The following ERC2 variants were observed in gnomAD, a reference collection of about 807,000 sequenced individuals.
ERC2 encodes the protein ERC protein 2.
In ERC2, 42 loss-of-function variants were observed where a neutral mutation model predicts 114.8. That is an observed-to-expected ratio of 0.37 (90% CI 0.29 to 0.47). ERC2 has a LOEUF of 0.47. Ranked by LOEUF, ERC2 falls within the 20% of genes least tolerant of loss-of-function variation. The probability of loss-of-function intolerance (pLI) is 0.99; values close to 1 mark genes in which losing one functional copy is unlikely to be tolerated. For missense variants in ERC2, 939 were observed against 1,150.7 expected (o/e 0.82, Z 2.66); for synonymous variants, 454 against 425.5 (o/e 1.07, Z -0.82).
At chr3:56,259,557 G>A (rs966647671) in intron 3 of ERC2, among the ~76,000 whole-genome samples, 4 of 152,078 alleles carry the variant, frequency 2.6e-5, no homozygotes, top group African/African-American at 4.8e-5. Flanking sequence ...GGGAGGAAAC[G>A]TGGGTTTTAG....
At chr3:56,148,932 T>C in intron 5 of ERC2, 45 bp downstream of exon 5, 1 of 1,570,142 alleles carries the variant, frequency 6.4e-7, no homozygotes, top group Non-Finnish European at 8.7e-7. Flanking sequence ...ACTGTAACTT[T>C]CTAGTCACAT....
At chr3:56,175,692 C>A (rs1405185351) in intron 3 of ERC2, among the ~76,000 whole-genome samples, 1 of 152,084 alleles carries the variant, frequency 6.6e-6, no homozygotes, top group Non-Finnish European at 1.5e-5. Context: ...CAAGTGGCAT[C>A]CCTGAATGCA....
At chr3:56,034,410 A>G (rs538032367) in intron 7 of ERC2, among the ~76,000 whole-genome samples, 1 of 152,300 alleles carries the variant, frequency 6.6e-6, no homozygotes, top group East Asian at 1.9e-4. Context: ...ACTCATTTTA[A>G]ATAATGACTA....
At chr3:55,835,789 A>G (rs570373533) in intron 14 of ERC2, among the ~76,000 whole-genome samples, 1 of 152,092 alleles carries the variant, frequency 6.6e-6, no homozygotes, top group African/African-American at 2.4e-5. Flanking sequence ...AGGGTATTCA[A>G]TTAGGAAAAG....
chr3:56,064,762 T>C (rs746449440), intron 7 of ERC2, among the ~76,000 whole-genome samples: 41 of 134,674 alleles, frequency 3.0e-4, no homozygotes, highest in Non-Finnish European at 5.1e-4. Flanking sequence ...GCCTAGAGGC[T>C]GTAAGAACTT....
intron 17 of ERC2, among the ~76,000 whole-genome samples, chr3:55,640,232 G>C (rs2060121632): frequency 6.6e-6 from 1 of 152,308 alleles, no homozygotes; most frequent in Admixed American, 6.5e-5. Context: ...TGGTCCATCT[G>C]TCTTTGTCAA....
intron 14 of ERC2, among the ~76,000 whole-genome samples, chr3:55,884,576 G>A (rs956620926): frequency 6.6e-6 from 1 of 151,986 alleles, no homozygotes; most frequent in African/African-American, 2.4e-5. Context: ...CAAATGGAAA[G>A]ACATTTCAGT....
chr3:56,203,993 A>G (rs1021638071), intron 3 of ERC2, among the ~76,000 whole-genome samples: 9 of 151,954 alleles, frequency 5.9e-5, no homozygotes, highest in Non-Finnish European at 1.2e-4. Flanking sequence ...CAGCCTGGCC[A>G]AGATGGTGAA....
rs1288522495 is a variant in ERC2 at position 55,743,621 on chromosome 3, GA to G, written c.2565-8704del. Among the ~76,000 whole-genome samples the G allele has an allele frequency of 5.6e-5, 7 of 124,740 alleles. No individual in the cohort carries two copies. In the South Asian group the frequency reaches 1.6e-3, roughly 28 times the overall value. The allele number at this position is 124,740 out of a possible 152,430, so 81.8% of individuals were successfully genotyped here. A position where few individuals can be genotyped will look rare whatever the true frequency, so the allele number is the denominator to read the frequency against. On this transcript the variant is annotated intron_variant, in intron 14 of 17. Coordinates refer to ENST00000288221, the MANE Select transcript of ERC2 (RefSeq NM_015576.3). ...AAAAAAAAAAAAAAAAAAGAAACAA[GA>G]AAAAAAGAAAATACTTCTTTTGAGC...
chr3:55,722,167 C>T (rs906093498), intron 15 of ERC2, among the ~76,000 whole-genome samples: 2 of 151,926 alleles, frequency 1.3e-5, no homozygotes, highest in Non-Finnish European at 2.9e-5. Context: ...TTGTGCCCAA[C>T]GGGGTCATGT....
At chr3:56,210,909 C>G (rs1394618199) in intron 3 of ERC2, among the ~76,000 whole-genome samples, 3 of 152,012 alleles carry the variant, frequency 2.0e-5, no homozygotes, top group Non-Finnish European at 4.4e-5. Flanking sequence ...GAAGTTGAAA[C>G]AAGAAACTAA....
intron 17 of ERC2, among the ~76,000 whole-genome samples, chr3:55,639,966 G>A (rs550097980): frequency 1.2e-4 from 18 of 151,786 alleles, no homozygotes; most frequent in Admixed American, 3.3e-4. Context: ...ATAAGAAGGA[G>A]GCAGATCCAC....
intron 1 of ERC2, among the ~76,000 whole-genome samples, chr3:56,445,728 C>T (rs2062530324): frequency 6.6e-6 from 1 of 152,152 alleles, no homozygotes; most frequent in African/African-American, 2.4e-5. Flanking sequence ...TCCTGCTGCT[C>T]CAATGCATCA....
intron 17 of ERC2, among the ~76,000 whole-genome samples, chr3:55,682,372 A>C (rs945670257): frequency 4.6e-5 from 7 of 152,190 alleles, no homozygotes; most frequent in African/African-American, 1.7e-4. Context: ...TTCTGTATTA[A>C]CATGAAGCAG....
chr3:56,232,425 C>T (rs1184347920), intron 3 of ERC2, among the ~76,000 whole-genome samples: 3 of 152,126 alleles, frequency 2.0e-5, no homozygotes, highest in South Asian at 2.1e-4. Context: ...AAACCAAGCA[C>T]GGTGCCTCTC....
intron 3 of ERC2, among the ~76,000 whole-genome samples, chr3:56,282,085 A>C (rs979699909): frequency 5.9e-5 from 9 of 152,208 alleles, no homozygotes; most frequent in Non-Finnish European, 1.0e-4. Context: ...ATGTCACTTG[A>C]GACCAAAGAG....
chr3:56,094,632 G>A (rs1385057077), intron 6 of ERC2, among the ~76,000 whole-genome samples: 2 of 152,196 alleles, frequency 1.3e-5, no homozygotes, highest in Non-Finnish European at 2.9e-5. Flanking sequence ...ATGTCAGGAG[G>A]TGAATGATCC....
intron 12 of ERC2, among the ~76,000 whole-genome samples, chr3:55,954,765 C>T (rs1288945000): frequency 6.6e-6 from 1 of 152,064 alleles, no homozygotes; most frequent in African/African-American, 2.4e-5. Flanking sequence ...TTGGCAATTT[C>T]CACCAAAGCA....
At chr3:55,845,411 G>A (rs1321572765) in intron 14 of ERC2, among the ~76,000 whole-genome samples, 1 of 147,890 alleles carries the variant, frequency 6.8e-6, no homozygotes, top group East Asian at 2.0e-4. Context: ...GGCTGAGGCA[G>A]GAGAATGCCG....
Sources: gnomAD v4.1 joint callset for allele counts (sites outside exome capture counted in the v4.1 genomes callset) on GRCh38, gnomAD v4.1.1 for gene constraint, MANE v1.5 for transcripts, NCBI Gene and HGNC (gene_info 2026-07-23, HGNC 2026-07-21) for gene names.